Variants in FRS3 observed in about 807,000 individuals in gnomAD.
FRS3 encodes the protein FGFR substrate 3.
FRS3 carries 17 observed loss-of-function variants against 41.9 expected under a neutral mutation model. The ratio of observed to expected loss-of-function variants is 0.41; its 90% CI spans 0.28 to 0.61. FRS3 has a LOEUF of 0.61. FRS3 is among the 20% of genes least tolerant of loss of function. FRS3 has a pLI of 0.36. For missense variants in FRS3, 619 were observed against 672.1 expected (o/e 0.92, Z 0.87); for synonymous variants, 287 against 274.5 (o/e 1.05, Z -0.45).
Position 41,773,071 on chromosome 6 carries a change from G to A in FRS3, c.254-112C>T, listed in dbSNP as rs1463192712. 9 of 781,114 alleles carry A rather than the reference G, an allele frequency of 1.2e-5. 1 individual carries two copies. The highest frequency in any genetic ancestry group is 6.7e-4 in the Middle Eastern group (2 of 2,986). The allele number at this position is 781,114 out of a possible 1,614,324, so 48.4% of individuals were successfully genotyped here. A position where few individuals can be genotyped will look rare whatever the true frequency, so the allele number is the denominator to read the frequency against. ...TCAACTCCAGTCCCAGGCCTGTAGG[G>A]GCAGGAGAGCCTCTCCTCATCTTGA... On this transcript the variant is annotated intron_variant, in intron 4 of 6. Transcript: ENST00000373018.
In FRS3 at chr6:41,771,380, C is replaced by T; in HGVS notation, c.718G>A (p.Val240Met). ...DPQVFLQPGQ[V>M]KFVLGPTPAR... ...GGGGTCGGGCCCAACACAAACTTCACCTGGCCTGGCTGCAAGAACACCTGT... is the reference window on the plus strand; with the variant it reads ...GGGGTCGGGCCCAACACAAACTTCATCTGGCCTGGCTGCAAGAACACCTGT... The change falls in exon 7 of 7, where the codon GTG becomes ATG. Residue 240 changes from valine (V) to methionine (M), a missense_variant. Transcript: ENST00000373018. 6.2e-7 allele frequency: 1 copy of T among 1,613,748 alleles called. No homozygotes were observed. Among genetic ancestry groups the T allele is most frequent in the Non-Finnish European group, 8.5e-7 (1 of 1,179,870 alleles).
chr6:41,773,715 AC>A (rs1772353938), intron 4 of FRS3, among the ~76,000 whole-genome samples: 1 of 151,368 alleles, frequency 6.6e-6, no homozygotes, highest in East Asian at 2.0e-4. Context: ...TACTAAAAAT[AC>A]AAAAAATTAG....
intron 4 of FRS3, 37 bp downstream of exon 4, chr6:41,775,382 G>A (rs1772387282): frequency 6.5e-7 from 1 of 1,546,078 alleles, no homozygotes; most frequent in Non-Finnish European, 8.8e-7. Flanking sequence ...TACTGCATAA[G>A]CCCCTATCCC....
intron 3 of FRS3, 40 bp downstream of exon 3, chr6:41,776,882 G>C: frequency 1.3e-6 from 2 of 1,497,462 alleles, no homozygotes; most frequent in Non-Finnish European, 1.9e-6. Flanking sequence ...AGCCCAAGAG[G>C]CCATGTTGGG....
chr6:41,770,502 C>T lies in FRS3; in HGVS notation c.*117G>A, dbSNP rs769993190. ...CAGCACAGGGAAGCATCTGGTCCCACCTCCATGCCTTCTGCAAAGCAACCC... is the reference window on the plus strand; with the variant it reads ...CAGCACAGGGAAGCATCTGGTCCCATCTCCATGCCTTCTGCAAAGCAACCC... On this transcript the variant is annotated 3_prime_UTR_variant, in exon 7 of 7. Transcript: ENST00000373018. 2.0e-4 allele frequency: 187 copies of T among 944,578 alleles called. 1 individual carries two copies. Among genetic ancestry groups the T allele is most frequent in the Admixed American group, 4.9e-4 (23 of 46,724 alleles). 58.5% of individuals were successfully genotyped at this position (944,578 alleles called of 1,614,324 possible). A position where few individuals can be genotyped will look rare whatever the true frequency, so the allele number is the denominator to read the frequency against.
chr6:41,778,931 T>C (rs1268772531), intron 1 of FRS3, among the ~76,000 whole-genome samples: 1 of 152,142 alleles, frequency 6.6e-6, no homozygotes, highest in Admixed American at 6.5e-5. Context: ...ACATCCCACA[T>C]TCCTGCTCTG....
chr6:41,772,020 C>A, intron 5 of FRS3, 56 bp from the exon 6 acceptor site: 1 of 1,421,348 alleles, frequency 7.0e-7, no homozygotes, highest in South Asian at 1.4e-5. Context: ...CTGACAACCA[C>A]TTGCAGCTGT....
At chr6:41,775,684 T>G in intron 3 of FRS3, 79 bp from the exon 4 acceptor site, 1 of 1,049,074 alleles carries the variant, frequency 9.5e-7, no homozygotes, top group Non-Finnish European at 1.5e-6. Flanking sequence ...TGGGAGACAA[T>G]CTGATGCAGG....
intron 6 of FRS3, 52 bp from the exon 7 acceptor site, chr6:41,771,585 A>G (rs745579154): frequency 2.9e-6 from 4 of 1,401,242 alleles, no homozygotes; most frequent in Non-Finnish European, 3.8e-6. Context: ...GGGAGAAAAG[A>G]GAACAGAAGG....
In FRS3 at chr6:41,778,121, GCAAA is replaced by G. The variant is rs1772448045; in HGVS notation, c.-116_-113del. On this transcript the variant is annotated 5_prime_UTR_variant, in exon 2 of 7. Transcript: ENST00000373018. ...CCCCCGTCCTTGGTGGGCTGTCATG[GCAAA>G]CAGTCTGCAGAGAAGTCACCCGGAT... is the stretch of plus-strand genomic sequence containing the variant. 6.6e-6 allele frequency: 1 copy of G among 152,618 alleles called. No individual in the cohort carries two copies. The highest frequency in any genetic ancestry group is 1.5e-5 in the Non-Finnish European group (1 of 68,074). 9.5% of individuals were successfully genotyped at this position (152,618 alleles called of 1,614,324 possible). A position where few individuals can be genotyped will look rare whatever the true frequency, so the allele number is the denominator to read the frequency against.
chr6:41,776,838 G>C, intron 3 of FRS3, 84 bp downstream of exon 3: 1 of 1,108,084 alleles, frequency 9.0e-7, no homozygotes, highest in Non-Finnish European at 1.4e-6. Flanking sequence ...TTTGCTGTTA[G>C]AGAAGCTGAG....
chr6:41,773,454 C>T (rs1772346142), intron 4 of FRS3, among the ~76,000 whole-genome samples: 1 of 152,142 alleles, frequency 6.6e-6, no homozygotes, highest in African/African-American at 2.4e-5. Flanking sequence ...ACTAGAAAGG[C>T]TGGGTCCAAG....
chr6:41,775,369 G>C lies in FRS3; in HGVS notation c.253+50C>G, dbSNP rs371882324. 1.2e-5 allele frequency: 17 copies of C among 1,461,308 alleles called. No individual in the cohort carries two copies. In the African/African-American group the frequency reaches 2.1e-4, roughly 18 times the overall value. 90.5% of individuals were successfully genotyped at this position (1,461,308 alleles called of 1,614,324 possible). ...GCTAACCTATACATTAGGAACCCTG[G>C]AGTACTGCATAAGCCCCTATCCCAG... On this transcript the variant is annotated intron_variant, in intron 4 of 6. Transcript: ENST00000373018.
At chr6:41,779,735 G>C (rs1772492119) in intron 1 of FRS3, 81 bp downstream of exon 1, 1 of 66,336 alleles carries the variant, frequency 1.5e-5, no homozygotes, top group African/African-American at 6.1e-5. Context: ...GGAGGGAGTG[G>C]AGACTGCGGC....
intron 1 of FRS3, among the ~76,000 whole-genome samples, chr6:41,779,537 A>G (rs1422952496): frequency 6.6e-6 from 1 of 151,796 alleles, no homozygotes; most frequent in Non-Finnish European, 1.5e-5. Context: ...AGATGCGATG[A>G]TGTGTCCAGG....
rs1772446776 is a variant in FRS3 at position 41,778,073 on chromosome 6, G to A, written c.-64C>T. 6.5e-6 allele frequency: 1 copy of A among 152,748 alleles called. No individual in the cohort carries two copies. The highest frequency in any genetic ancestry group is 2.4e-5 in the African/African-American group (1 of 41,440). The allele number at this position is 152,748 out of a possible 1,614,324, so 9.5% of individuals were successfully genotyped here. A position where few individuals can be genotyped will look rare whatever the true frequency, so the allele number is the denominator to read the frequency against. ...GGGGAGCTGACCGTGGGAGGGGCAT[G>A]GGGAAGGGTTCCCACTTTATTCCCC... On this transcript the variant is annotated 5_prime_UTR_variant, in exon 2 of 7. Transcript: ENST00000373018.
At position 41,772,890 on chromosome 6, in the gene FRS3, T is replaced by C. The variant is rs1022439534; in HGVS notation, c.323A>G (p.Asn108Ser). The change falls in exon 5 of 7, where the codon AAC (asparagine) becomes AGC (serine). Residue 108 changes from asparagine to serine, a missense_variant. Around this residue, in one of 3 missense-constraint regions of FRS3, gnomAD observed 487 missense variants for 478.3 expected, o/e 1.02. Coordinates refer to ENST00000373018, the MANE Select transcript of FRS3 (RefSeq NM_006653.5). ...FNLLQDLMQC[N>S]SINVMEEPVI... ...AGGCTCTTCCATCACATTGATGCTG[T>C]TGCACTGCATCAGATCCTGAAGGAG... 1 of 1,613,816 alleles carries C rather than the reference T, an allele frequency of 6.2e-7. No individual in the cohort carries two copies. Among genetic ancestry groups the C allele is most frequent in the African/African-American group, 1.3e-5 (1 of 74,980 alleles).
Position 41,770,952 on chromosome 6 carries a change from G to A in FRS3, c.1146C>T (p.Ser382=). Residue 382 remains serine (S), a synonymous_variant, in exon 7 of 7, where the codon AGC becomes AGT. Coordinates refer to ENST00000373018, the MANE Select transcript of FRS3 (RefSeq NM_006653.5). ...TCAGTGGCACAGGAAAGCTGCCGTG[G>A]CTGCGGATGGCGGCCCGGGTGCTGG... ...KPTSTRAAIR[S]HGSFPVPLTR... 1 of 1,612,818 alleles carries A rather than the reference G, an allele frequency of 6.2e-7. No individual in the cohort carries two copies. Among genetic ancestry groups the A allele is most frequent in the Non-Finnish European group, 8.5e-7 (1 of 1,179,926 alleles).
Position 41,770,402 on chromosome 6 carries a change from G to A in FRS3, c.*217C>T, listed in dbSNP as rs758021894. 6.7e-5 allele frequency: 40 copies of A among 594,778 alleles called. No homozygotes were observed. Among genetic ancestry groups the A allele is most frequent in the Non-Finnish European group, 1.1e-4 (38 of 334,524 alleles). The allele number at this position is 594,778 out of a possible 1,614,324, so 36.8% of individuals were successfully genotyped here. A position where few individuals can be genotyped will look rare whatever the true frequency, so the allele number is the denominator to read the frequency against. ...CAGTTGACGTCTCGGCTCCCTCCTCGCCTGGTCACCCTTCTCTCCCCAGCC... is the reference window on the plus strand; with the variant it reads ...CAGTTGACGTCTCGGCTCCCTCCTCACCTGGTCACCCTTCTCTCCCCAGCC... On this transcript the variant is annotated 3_prime_UTR_variant, in exon 7 of 7. Transcript: ENST00000373018.
Sources: allele counts gnomAD v4.1 joint callset (sites outside exome capture counted in the v4.1 genomes callset), GRCh38; gene constraint gnomAD v4.1.1; regional missense constraint gnomAD v4.1.1; transcripts MANE v1.5; gene names NCBI Gene and HGNC (gene_info 2026-07-23, HGNC 2026-07-21).